The following DLG2 variants were observed in gnomAD, a reference collection of about 807,000 sequenced individuals.
The protein encoded by DLG2 is disks large homolog 2.
In DLG2, 45 loss-of-function variants were observed where a neutral mutation model predicts 132.5. The observed-to-expected ratio is 0.34, with a 90% CI of 0.27 to 0.44. The LOEUF is 0.44. Ranked by LOEUF, DLG2 falls within the 20% of genes least tolerant of loss-of-function variation. DLG2 has a pLI of 1.00. For missense variants in DLG2, 1,045 were observed against 1,196.9 expected (o/e 0.87, Z 1.87); for synonymous variants, 424 against 419.6 (o/e 1.01, Z -0.13).
intron 16 of DLG2, among the ~76,000 whole-genome samples, chr11:83,858,944 T>G (rs2060991290): frequency 6.6e-6 from 1 of 152,218 alleles, no homozygotes; most frequent in African/African-American, 2.4e-5. Context: ...TCTGATATGG[T>G]TTGGCCGTGT....
chr11:84,280,505 G>C (rs1005266761), intron 7 of DLG2, among the ~76,000 whole-genome samples: 7 of 151,882 alleles, frequency 4.6e-5, no homozygotes, highest in Admixed American at 4.6e-4. Context: ...CTGACCTCAG[G>C]TGATCTGCCT....
chr11:85,622,381 G>A lies in DLG2; in HGVS notation c.-93+4206C>T, dbSNP rs148318898. Among the ~76,000 whole-genome samples, 611 of 151,812 alleles carry A rather than the reference G, an allele frequency of 4.0e-3. 2 individuals carry two copies. Among genetic ancestry groups the A allele is most frequent in the Non-Finnish European group, 6.0e-3 (405 of 67,954 alleles). ...ATTTCAGTGGTCTGGAACCTAACCC[G>A]CAATATCTCTGAGATATACCTGTAC... On this transcript the variant is annotated intron_variant, in intron 2 of 27. Transcript: ENST00000376104.
chr11:83,465,946 A>G (rs977749919), intron 26 of DLG2, among the ~76,000 whole-genome samples: 3 of 152,208 alleles, frequency 2.0e-5, no homozygotes, highest in Non-Finnish European at 4.4e-5. Context: ...ACCTTTGTGA[A>G]TGGGAGTTGC....
intron 9 of DLG2, among the ~76,000 whole-genome samples, chr11:84,134,902 G>C (rs1378651245): frequency 6.6e-6 from 1 of 151,980 alleles, no homozygotes; most frequent in Non-Finnish European, 1.5e-5. Context: ...CACCCACCCA[G>C]ACTAGCCAAG....
At chr11:84,989,994 A>G (rs1036213890) in intron 6 of DLG2, among the ~76,000 whole-genome samples, 10 of 152,212 alleles carry the variant, frequency 6.6e-5, no homozygotes. Flanking sequence ...AATCCATAAA[A>G]AGAAAAATTA....
intron 6 of DLG2, among the ~76,000 whole-genome samples, chr11:84,586,724 TAC>T (rs1294926090): frequency 6.6e-6 from 1 of 152,160 alleles, no homozygotes; most frequent in Non-Finnish European, 1.5e-5. Flanking sequence ...TTTTATATAT[TAC>T]ATTTTATTCC....
At position 84,160,962 on chromosome 11, in the gene DLG2, G is replaced by A. The variant is rs1164663118; in HGVS notation, c.624+2499C>T. ...CTTGAGATTTGAGGAGATATGATAA[G>A]GTATGAAATTGTTGTCCCAGAGTAT... On this transcript the variant is annotated intron_variant, in intron 9 of 27. Coordinates refer to ENST00000376104, the MANE Select transcript of DLG2 (RefSeq NM_001142699.3). 2.0e-5 allele frequency among the ~76,000 whole-genome samples: 3 copies of A among 152,072 alleles called. No homozygotes were observed. The East Asian group carries it at 5.8e-4, about 29-fold the overall frequency.
intron 5 of DLG2, among the ~76,000 whole-genome samples, chr11:85,148,450 T>C (rs966159169): frequency 6.6e-6 from 1 of 152,196 alleles, no homozygotes; most frequent in Non-Finnish European, 1.5e-5. Flanking sequence ...CCATTCTGAC[T>C]GGCATGAGAT....
intron 11 of DLG2, among the ~76,000 whole-genome samples, chr11:84,013,713 A>G (rs1169291447): frequency 2.0e-5 from 3 of 151,870 alleles, no homozygotes; most frequent in African/African-American, 7.3e-5. Flanking sequence ...CTAAAAATAC[A>G]AAAATCAGCT....
intron 4 of DLG2, among the ~76,000 whole-genome samples, chr11:85,275,319 A>T (rs1314444114): frequency 6.6e-6 from 1 of 152,138 alleles, no homozygotes; most frequent in African/African-American, 2.4e-5. Context: ...ATTTTTCATC[A>T]TGTGGAAGAT....
At chr11:85,406,768 TC>T (rs1459544863) in intron 3 of DLG2, among the ~76,000 whole-genome samples, 8 of 151,890 alleles carry the variant, frequency 5.3e-5, no homozygotes, top group African/African-American at 1.9e-4. Context: ...AAATCTCTGC[TC>T]CTGCAGAGCT....
chr11:84,510,252 CTA>C (rs1415973701), intron 7 of DLG2, among the ~76,000 whole-genome samples: 5 of 151,818 alleles, frequency 3.3e-5, no homozygotes, highest in African/African-American at 9.7e-5. Context: ...TGATGAGTAA[CTA>C]TGTGCCAGTT....
chr11:85,270,944 A>G (rs1469812088), intron 4 of DLG2, among the ~76,000 whole-genome samples: 2 of 152,244 alleles, frequency 1.3e-5, no homozygotes, highest in African/African-American at 2.4e-5. Context: ...ACAATCCGAT[A>G]GAAAGCAAAA....
At chr11:84,187,552 A>C (rs1319887422) in intron 8 of DLG2, among the ~76,000 whole-genome samples, 1 of 152,044 alleles carries the variant, frequency 6.6e-6, no homozygotes, top group African/African-American at 2.4e-5. Flanking sequence ...GTCATCTTAA[A>C]ACCAAGAGAG....
chr11:84,101,312 T>A (rs921133213), intron 9 of DLG2, among the ~76,000 whole-genome samples: 3 of 152,024 alleles, frequency 2.0e-5, no homozygotes, highest in Non-Finnish European at 4.4e-5. Context: ...GACAATAAAG[T>A]TGGAACAAAG....
chr11:84,485,732 G>A (rs146938957), intron 7 of DLG2, among the ~76,000 whole-genome samples: 2,276 of 152,144 alleles, frequency 0.015, 25 homozygotes, highest in Non-Finnish European at 0.025. Context: ...CTGTAGTGTA[G>A]GCATATAATT....
chr11:85,281,418 A>C (rs2078213946), intron 4 of DLG2, among the ~76,000 whole-genome samples: 1 of 151,976 alleles, frequency 6.6e-6, no homozygotes, highest in Non-Finnish European at 1.5e-5. Flanking sequence ...CTTCCTATCA[A>C]CCTTAATATA....
intron 4 of DLG2, among the ~76,000 whole-genome samples, chr11:85,186,147 A>T (rs2080079501): frequency 6.6e-6 from 1 of 151,942 alleles, no homozygotes; most frequent in Non-Finnish European, 1.5e-5. Flanking sequence ...CTGCACTGTT[A>T]AATAGAGACA....
chr11:84,686,257 T>C (rs1403375473), intron 6 of DLG2, among the ~76,000 whole-genome samples: 1 of 152,160 alleles, frequency 6.6e-6, no homozygotes, highest in Non-Finnish European at 1.5e-5. Context: ...GTCAAATCCA[T>C]GTCTCCTGAG....
Sources: gnomAD v4.1 joint callset for allele counts (sites outside exome capture counted in the v4.1 genomes callset) on GRCh38, gnomAD v4.1.1 for gene constraint, MANE v1.5 for transcripts, NCBI Gene and HGNC (gene_info 2026-07-23, HGNC 2026-07-21) for gene names.